The following CCDC141 variants were observed in gnomAD, a reference collection of about 807,000 sequenced individuals.
CCDC141 encodes the protein coiled-coil domain-containing protein 141.
A neutral mutation model predicts 181.0 loss-of-function variants in CCDC141; 168 were observed. The observed-to-expected ratio is 0.93, with a 90% confidence interval of 0.82 to 1.05. The LOEUF is 1.05. Among genes scored for constraint, CCDC141 ranks in the 50% least tolerant of loss-of-function variants. The probability of loss-of-function intolerance (pLI) is 0.00; values close to 1 mark genes in which losing one functional copy is unlikely to be tolerated. For missense variants in CCDC141, 1,902 were observed against 1,788.5 expected, an observed-to-expected ratio of 1.06 and a Z score of -1.14; for synonymous variants, 666 against 642.3, an observed-to-expected ratio of 1.04 and a Z score of -0.56.
At chr2:178,897,485 T>C (rs1314774531) in intron 8 of CCDC141, among the ~76,000 whole-genome samples, 4 of 152,054 alleles carry the variant, frequency 2.6e-5, no homozygotes, top group Admixed American at 2.0e-4. Context: ...TATGAAAATA[T>C]GAAGATCTAC....
chr2:178,940,286 T>C (rs975588724), intron 6 of CCDC141, among the ~76,000 whole-genome samples: 1 of 152,162 alleles, frequency 6.6e-6, no homozygotes, highest in Non-Finnish European at 1.5e-5. Flanking sequence ...ATCTACGTAA[T>C]ACAACTTTCC....
At chr2:178,922,515 G>A (rs547423848) in intron 6 of CCDC141, among the ~76,000 whole-genome samples, 2 of 152,244 alleles carry the variant, frequency 1.3e-5, no homozygotes, top group Admixed American at 1.3e-4. Flanking sequence ...ACAAGACCTC[G>A]GAGGTGATAA....
intron 22 of CCDC141, among the ~76,000 whole-genome samples, chr2:178,844,754 G>C (rs369720493): frequency 1.3e-5 from 2 of 152,056 alleles, no homozygotes; most frequent in African/African-American, 4.8e-5. Flanking sequence ...CAAATGGAGA[G>C]GGTTTTTGTT....
chr2:179,027,979 G>C (rs992580521), intron 2 of CCDC141, among the ~76,000 whole-genome samples: 2 of 152,162 alleles, frequency 1.3e-5, no homozygotes, highest in African/African-American at 4.8e-5. Context: ...GAACATGCAA[G>C]ATAAGATTGT....
At chr2:179,037,424 AAC>A (rs2043174885) in intron 2 of CCDC141, among the ~76,000 whole-genome samples, 4 of 152,194 alleles carry the variant, frequency 2.6e-5, no homozygotes, top group African/African-American at 9.7e-5. Flanking sequence ...GTCCTCTTCT[AAC>A]ACTGTCTGAA....
intron 2 of CCDC141, among the ~76,000 whole-genome samples, chr2:179,015,507 C>CTCATATATCTCAT (rs2042472427): frequency 5.1e-5 from 6 of 117,214 alleles, no homozygotes; most frequent in East Asian, 2.8e-4. Context: ...CCATATATAT[C>CTCATATATCTCAT]ATATATGTAT....
At position 178,877,987 on chromosome 2, in the gene CCDC141, C is replaced by G; in HGVS notation, c.1876G>C (p.Glu626Gln). 1.9e-6 allele frequency: 3 copies of G among 1,613,828 alleles called. No homozygotes were observed. The highest frequency in any genetic ancestry group is 2.5e-6 in the Non-Finnish European group (3 of 1,179,840). Reference protein sequence around the residue: ...KSFITQDLGLEFLNLINMAKE... With the variant: ...KSFITQDLGLQFLNLINMAKE... ...ACCATATTTATTAAATTAAGGAACTCAAGCCCTAGATCTTGTGTTATAAAA... is the reference window on the plus strand; with the variant it reads ...ACCATATTTATTAAATTAAGGAACTGAAGCCCTAGATCTTGTGTTATAAAA... Residue 626 changes from glutamate (E) to glutamine (Q), a missense_variant, in exon 12 of 24, where the codon GAG becomes CAG. Glu to Gln is a conservative substitution (Grantham distance 29). Transcript: ENST00000443758.
chr2:178,902,032 G>A (rs1282895084), intron 8 of CCDC141, among the ~76,000 whole-genome samples: 1 of 152,034 alleles, frequency 6.6e-6, no homozygotes, highest in Non-Finnish European at 1.5e-5. Flanking sequence ...AAAATACCTA[G>A]GAATCCAACT....
At chr2:178,824,100 G>C in the CCDC141 span, among the ~76,000 whole-genome samples, 4,897 of 145,706 alleles carry the variant, frequency 0.034, 264 homozygotes, top group African/African-American at 0.12. Context: ...GTATAGCAAA[G>C]ATTCAAATCT....
intron 8 of CCDC141, among the ~76,000 whole-genome samples, chr2:178,890,356 T>A (rs1687087646): frequency 6.6e-6 from 1 of 152,124 alleles, no homozygotes; most frequent in African/African-American, 2.4e-5. Flanking sequence ...TTTTACCAAC[T>A]AAACTTAGAA....
In CCDC141 at chr2:178,850,053, A is replaced by G. The variant is rs778615379; in HGVS notation, c.3353T>C (p.Leu1118Pro). ...ATTCTAGGAAGAAGAAATTACCTTC[A>G]GTTTTTCTTCGAGCTCTGTGAGGGA... ...CESLTELEEK[L>P]KQGDVLKMNP... Residue 1118 changes from leucine (L) to proline (P), a missense_variant, in exon 21 of 24, where the codon CTG (leucine) becomes CCG (proline). By Grantham distance (98) the Leu-to-Pro change is moderately conservative. Coordinates refer to ENST00000443758, the MANE Select transcript of CCDC141 (RefSeq NM_173648.4). 1 of 1,527,430 alleles carries G rather than the reference A, an allele frequency of 6.5e-7. No individual in the cohort carries two copies. Among genetic ancestry groups the G allele is most frequent in the African/African-American group, 1.4e-5 (1 of 72,352 alleles). The allele number at this position is 1,527,430 out of a possible 1,614,324, so 94.6% of individuals were successfully genotyped here.
At chr2:178,942,773 G>C (rs1689575010) in intron 6 of CCDC141, among the ~76,000 whole-genome samples, 2 of 152,052 alleles carry the variant, frequency 1.3e-5, no homozygotes, top group African/African-American at 4.8e-5. Flanking sequence ...GGTGTATATG[G>C]GAAATCTTTA....
chr2:179,007,160 A>G (rs894137375), intron 2 of CCDC141, among the ~76,000 whole-genome samples: 2 of 152,222 alleles, frequency 1.3e-5, no homozygotes, highest in African/African-American at 2.4e-5. Flanking sequence ...TAAAGATTCT[A>G]TTCACTAGTT....
intron 22 of CCDC141, among the ~76,000 whole-genome samples, chr2:178,839,767 T>C (rs914214337): frequency 2.0e-5 from 3 of 152,100 alleles, no homozygotes; most frequent in Non-Finnish European, 4.4e-5. Flanking sequence ...CAGATGTTCT[T>C]AGAAGTTCCC....
intron 7 of CCDC141, among the ~76,000 whole-genome samples, chr2:178,906,766 G>C (rs1687990277): frequency 6.6e-6 from 1 of 152,170 alleles, no homozygotes; most frequent in African/African-American, 2.4e-5. Flanking sequence ...CATGAGTCCA[G>C]TACCACTAAG....
chr2:178,852,688 G>C lies in CCDC141; in HGVS notation c.3244+753C>G, dbSNP rs16866566. Among the ~76,000 whole-genome samples the C allele has an allele frequency of 4.3e-3, 660 of 152,272 alleles. 8 individuals are homozygous for C. Among genetic ancestry groups the C allele is most frequent in the African/African-American group, 0.015 (635 of 41,528 alleles). On this transcript the variant is annotated intron_variant, in intron 20 of 23. Transcript: ENST00000443758. Reference sequence around the variant, plus strand: ...AATTAAGCATTTTGTACCAACTGTTGTGTCTTCTTTCTGGGCTGCATTTGC... The same window carrying C: ...AATTAAGCATTTTGTACCAACTGTTCTGTCTTCTTTCTGGGCTGCATTTGC...
chr2:178,965,861 T>C (rs943776579), intron 4 of CCDC141, among the ~76,000 whole-genome samples: 4 of 151,956 alleles, frequency 2.6e-5, no homozygotes, highest in African/African-American at 9.7e-5. Flanking sequence ...CAAACTAAGA[T>C]CCACTGGCTT....
At chr2:178,903,743 A>G (rs1440942159) in intron 8 of CCDC141, among the ~76,000 whole-genome samples, 1 of 151,660 alleles carries the variant, frequency 6.6e-6, no homozygotes, top group Non-Finnish European at 1.5e-5. Flanking sequence ...GTACCCTAAA[A>G]CTTAAAGTAT....
chr2:178,823,190 G>A, the CCDC141 span, among the ~76,000 whole-genome samples: 2 of 137,868 alleles, frequency 1.5e-5, no homozygotes, highest in Admixed American at 7.4e-5. Context: ...TTTTTTCTCT[G>A]AGTTGGAGAA....
Sources: allele counts gnomAD v4.1 joint callset (sites outside exome capture counted in the v4.1 genomes callset), GRCh38; gene constraint gnomAD v4.1.1; transcripts MANE v1.5; gene names NCBI Gene and HGNC (gene_info 2026-07-23, HGNC 2026-07-21).